Variants in MAPK10 observed in about 807,000 individuals in gnomAD.
MAPK10 encodes mitogen-activated protein kinase 10, also known as JNK3 alpha protein kinase.
Under a neutral mutation model 59.3 loss-of-function variants are expected in MAPK10, and 25 were observed. The observed-to-expected ratio is 0.42, with a 90% CI of 0.31 to 0.59. The LOEUF (loss-of-function observed/expected upper bound fraction) is 0.59. MAPK10 is among the 20% of genes least tolerant of loss of function. The probability of loss-of-function intolerance (pLI) is 0.15; values close to 1 mark genes in which losing one functional copy is unlikely to be tolerated. For missense variants in MAPK10, 351 were observed against 568.9 expected (o/e 0.62, Z 3.90); for synonymous variants, 190 against 200.5 (o/e 0.95, Z 0.44).
At chr4:86,079,553 T>G (rs1226398056) in intron 9 of MAPK10, 1 of 152,224 alleles carries the variant, frequency 6.6e-6, no homozygotes, top group African/African-American at 2.4e-5. Context: ...TCTCTCAGCC[T>G]GTGATAGTAT....
intron 1 of MAPK10, among the ~76,000 whole-genome samples, chr4:86,357,366 G>T (rs924205435): frequency 6.6e-6 from 1 of 152,058 alleles, no homozygotes; most frequent in Non-Finnish European, 1.5e-5. Context: ...CAAAGAAACA[G>T]ATTCATTTAC....
At chr4:86,176,913 C>T (rs927258094) in intron 3 of MAPK10, among the ~76,000 whole-genome samples, 1 of 151,836 alleles carries the variant, frequency 6.6e-6, no homozygotes, top group African/African-American at 2.4e-5. Flanking sequence ...CAAACAAAAG[C>T]ATATACATTG....
chr4:86,524,160 C>CA lies in MAPK10; in HGVS notation c.-263+69749_-263+69750insT, dbSNP rs1230421643. 2.0e-5 allele frequency among the ~76,000 whole-genome samples: 3 copies of CA among 152,290 alleles called. 1 individual carries two copies. The highest frequency in any genetic ancestry group is 7.2e-5 in the African/African-American group (3 of 41,548). ...CATGAAGTAGAAGGAGACTGAGGCTCTCATCATGCAGATGCCCAATCTTGA... is the reference window on the plus strand; with the variant it reads ...CATGAAGTAGAAGGAGACTGAGGCTCATCATCATGCAGATGCCCAATCTTGA... On this transcript the variant is annotated intron_variant, in intron 1 of 4. Coordinates refer to the MAPK10 transcript ENST00000502302.
chr4:86,386,358 T>C (rs2904097), intron 1 of MAPK10, among the ~76,000 whole-genome samples: 111,284 of 152,136 alleles, frequency 0.73, 41,317 homozygotes, highest in South Asian at 0.9. Context: ...CTCTTGGGAG[T>C]TGCCTGCCCA....
chr4:86,206,437 G>A lies in MAPK10; in HGVS notation c.-6-12030C>T, dbSNP rs1212719076. ...ATATGTGCCACATTTTCTTAATCCA[G>A]TCTATCATTGTTGGACATTTGGGTT... On this transcript the variant is annotated intron_variant, in intron 2 of 13. Coordinates refer to ENST00000641462, the MANE Select transcript of MAPK10 (RefSeq NM_138982.4). Among the ~76,000 whole-genome samples the A allele has an allele frequency of 4.6e-5, 7 of 151,970 alleles. No homozygotes were observed. The East Asian group carries it at 1.4e-3, about 29-fold the overall frequency.
intron 3 of MAPK10, among the ~76,000 whole-genome samples, chr4:86,190,511 A>T (rs2079440316): frequency 6.6e-6 from 1 of 152,132 alleles, no homozygotes. Flanking sequence ...CATTTTTTCT[A>T]GATTTTCAAG....
At position 86,017,290 on chromosome 4, in the gene MAPK10, GGGTCT is replaced by G. The variant is rs1319485290; in HGVS notation, c.1328_1332del (p.Gln443ProfsTer4). The stretch of plus-strand genomic sequence containing the variant: ...AGGCTGCTGTCAGTGTCAGATGCCA[GGGTCT>G]GGTCGGTGGACATGGAGGAGATGTC... On this transcript the variant is annotated frameshift_variant, in exon 14 of 14. Coordinates refer to ENST00000641462, the MANE Select transcript of MAPK10 (RefSeq NM_138982.4). LOFTEE classifies it high-confidence loss of function. The surrounding 1 kb of genome is among the most constrained non-coding windows in gnomAD (Gnocchi z 4.4). 6.2e-7 allele frequency: 1 copy of G among 1,614,174 alleles called. No individual in the cohort carries two copies. Among genetic ancestry groups the G allele is most frequent in the Non-Finnish European group, 8.5e-7 (1 of 1,180,020 alleles).
chr4:86,486,310 T>A (rs1232619618), intron 1 of MAPK10, among the ~76,000 whole-genome samples: 1 of 151,940 alleles, frequency 6.6e-6, no homozygotes. Flanking sequence ...AAAACATACA[T>A]ACATACATAC....
intron 1 of MAPK10, among the ~76,000 whole-genome samples, chr4:86,470,535 C>T (rs190545981): frequency 6.6e-6 from 1 of 152,054 alleles, no homozygotes; most frequent in African/African-American, 2.4e-5. Flanking sequence ...TAATATTTAC[C>T]TATTTCCTTA....
intron 1 of MAPK10, among the ~76,000 whole-genome samples, chr4:86,425,505 T>C (rs925909996): frequency 2.8e-4 from 43 of 152,316 alleles, no homozygotes; most frequent in African/African-American, 1.0e-3. Context: ...TTTGTTTGTT[T>C]GGAGATTTCA....
At chr4:86,294,956 C>T (rs2095319718) in intron 2 of MAPK10, among the ~76,000 whole-genome samples, 1 of 152,126 alleles carries the variant, frequency 6.6e-6, no homozygotes, top group Non-Finnish European at 1.5e-5. Context: ...AGTTTGTCAT[C>T]TCACCAGCCA....
At chr4:86,120,003 T>G (rs2058975809) in intron 4 of MAPK10, 1 of 152,282 alleles carries the variant, frequency 6.6e-6, no homozygotes. Context: ...CCCAAAATAC[T>G]TCCTAATAAA....
intron 2 of MAPK10, among the ~76,000 whole-genome samples, chr4:86,238,741 T>C (rs2092481608): frequency 6.6e-6 from 1 of 152,176 alleles, no homozygotes. Flanking sequence ...TCAAGAAGTT[T>C]TTGGGCTGAG....
intron 2 of MAPK10, among the ~76,000 whole-genome samples, chr4:86,231,579 C>T (rs1484066511): frequency 1.3e-5 from 2 of 151,960 alleles, no homozygotes; most frequent in Non-Finnish European, 2.9e-5. Flanking sequence ...AGGAGAATCG[C>T]TTGAACCTGG....
intron 1 of MAPK10, among the ~76,000 whole-genome samples, chr4:86,561,319 C>T (rs1053049671): frequency 1.3e-5 from 2 of 152,130 alleles, no homozygotes; most frequent in African/African-American, 4.8e-5. Context: ...ATTATAAGTT[C>T]TTATGCTAAA....
intron 4 of MAPK10, among the ~76,000 whole-genome samples, chr4:86,157,483 A>G (rs2068167285): frequency 6.6e-6 from 1 of 151,968 alleles, no homozygotes; most frequent in Admixed American, 6.6e-5. Context: ...AGATATGCCC[A>G]GTTTCCAGTT....
intron 1 of MAPK10, chr4:86,358,953 T>C (rs1735850811): frequency 6.6e-6 from 1 of 152,132 alleles, no homozygotes; most frequent in African/African-American, 2.4e-5. Context: ...CTTACCTATT[T>C]GACTGCAGTG....
At chr4:86,202,466 T>C (rs1226369178) in intron 2 of MAPK10, among the ~76,000 whole-genome samples, 1 of 151,992 alleles carries the variant, frequency 6.6e-6, no homozygotes, top group East Asian at 1.9e-4. Flanking sequence ...TGTTGGTATA[T>C]AGATAATGTT....
At chr4:86,346,641 G>C (rs1054201723) in intron 2 of MAPK10, among the ~76,000 whole-genome samples, 7 of 151,088 alleles carry the variant, frequency 4.6e-5, no homozygotes, top group African/African-American at 1.7e-4. Context: ...ACATACTCAA[G>C]TCCAACAATC....
Sources: gnomAD v4.1 joint callset for allele counts (sites outside exome capture counted in the v4.1 genomes callset) on GRCh38, gnomAD v4.1.1 for gene constraint, Gnocchi (gnomAD v3.1) non-coding constraint, MANE v1.5 for transcripts, NCBI Gene and HGNC (gene_info 2026-07-23, HGNC 2026-07-21) for gene names.